ADAMTSL1: variants seen among roughly 807,000 people sequenced by gnomAD.
The protein encoded by ADAMTSL1 is ADAMTS-like protein 1.
Under a neutral mutation model 201.8 loss-of-function variants are expected in ADAMTSL1, and 126 were observed. That is an observed-to-expected ratio of 0.62 (90% CI 0.54 to 0.72). The LOEUF (loss-of-function observed/expected upper bound fraction) is 0.72, where lower values mean the gene tolerates loss of function less well. Among genes scored for constraint, ADAMTSL1 ranks in the 30% least tolerant of loss-of-function variants. The pLI, the probability that ADAMTSL1 is intolerant of heterozygous loss-of-function variation, is 0.00. For synonymous variants in ADAMTSL1, 1,121 were observed against 903.4 expected (o/e 1.24, Z -4.32); for missense variants, 2,679 against 2,277.8 (o/e 1.18, Z -3.59).
At chr9:18,825,815 C>G (rs1588174092) in intron 21 of ADAMTSL1, among the ~76,000 whole-genome samples, 1 of 151,946 alleles carries the variant, frequency 6.6e-6, no homozygotes, top group African/African-American at 2.4e-5. Flanking sequence ...ACAGTATGTA[C>G]TCTTGTGTCT....
chr9:18,033,293 A>G (rs1377466889), intron 1 of ADAMTSL1, among the ~76,000 whole-genome samples: 2 of 152,194 alleles, frequency 1.3e-5, no homozygotes, highest in Non-Finnish European at 2.9e-5. Flanking sequence ...TAATGGGTGT[A>G]TTAATTAGCT....
rs780100773 is a variant in ADAMTSL1, at chr9:18,680,571, C to T, written c.1341+55C>T. ...GGAGAGTAAGTCCACTCTTCCCTCT[C>T]ATCATCATGGCCCCACCGGGTACCC... On this transcript the variant is annotated intron_variant, in intron 11 of 28. Transcript: ENST00000380548. 45 of 1,586,288 alleles carry T rather than the reference C, an allele frequency of 2.8e-5. No individual in the cohort carries two copies. The African/African-American group carries it at 3.9e-4, about 14-fold the overall frequency.
intron 15 of ADAMTSL1, among the ~76,000 whole-genome samples, chr9:18,746,483 A>G (rs1694121055): frequency 6.6e-6 from 1 of 152,230 alleles, no homozygotes; most frequent in South Asian, 2.1e-4. Context: ...ACACAAGTTT[A>G]AAGAATACTT....
At chr9:18,854,308 G>A (rs943092068) in intron 23 of ADAMTSL1, among the ~76,000 whole-genome samples, 11 of 152,046 alleles carry the variant, frequency 7.2e-5, no homozygotes, top group Admixed American at 2.0e-4. Flanking sequence ...TAATACAACC[G>A]TAGGTTCCCT....
At chr9:18,621,073 T>G (rs1826008669) in intron 4 of ADAMTSL1, among the ~76,000 whole-genome samples, 2 of 152,202 alleles carry the variant, frequency 1.3e-5, no homozygotes, top group South Asian at 2.1e-4. Flanking sequence ...CTGTGAGGAC[T>G]TTATGAAGAG....
rs202085722 is a variant in ADAMTSL1 at position 17,983,064 on chromosome 9, C to CTTTTTTTTTTTTT, written c.87+76145_87+76146insTTTTTTTTTTTTT. Among the ~76,000 whole-genome samples, 51 of 88,564 alleles carry CTTTTTTTTTTTTT rather than the reference C, an allele frequency of 5.8e-4. 4 individuals are homozygous for CTTTTTTTTTTTTT. Among genetic ancestry groups the CTTTTTTTTTTTTT allele is most frequent in the Non-Finnish European group, 6.9e-4 (32 of 46,508 alleles). The allele number at this position is 88,564 out of a possible 152,430, so 58.1% of individuals were successfully genotyped here. Reference sequence around the variant, plus strand: ...TTTTCATTTTCTTTTTCTTTTCTTTCTTTCTTTCTTTCTTTTTTTTTTTTG... The same window carrying CTTTTTTTTTTTTT: ...TTTTCATTTTCTTTTTCTTTTCTTTCTTTTTTTTTTTTTTTTCTTTCTTTCTTTTTTTTTTTTG... On this transcript the variant is annotated intron_variant, in intron 1 of 29. Transcript: ENST00000680146.
Position 18,002,430 on chromosome 9 carries a change from A to G in ADAMTSL1, c.87+95508A>G, listed in dbSNP as rs376304894. Among the ~76,000 whole-genome samples, 134 of 152,192 alleles carry G rather than the reference A, an allele frequency of 8.8e-4. 1 individual carries two copies. The highest frequency in any genetic ancestry group is 3.0e-3 in the African/African-American group (125 of 41,558). ...GCAGAAGTTACCTTAAAGGGCTATGATAGATAGTGTAATATATGTAAAATA... is the reference window on the plus strand; with the variant it reads ...GCAGAAGTTACCTTAAAGGGCTATGGTAGATAGTGTAATATATGTAAAATA... On this transcript the variant is annotated intron_variant, in intron 1 of 29. Coordinates refer to the ADAMTSL1 transcript ENST00000680146.
intron 1 of ADAMTSL1, among the ~76,000 whole-genome samples, chr9:18,132,229 A>C (rs1055384464): frequency 6.6e-6 from 1 of 152,138 alleles, no homozygotes; most frequent in African/African-American, 2.4e-5. Flanking sequence ...TTCTTTGATC[A>C]GTTCTTTTCC....
At chr9:17,908,933 A>G (rs1825827904) in intron 1 of ADAMTSL1, among the ~76,000 whole-genome samples, 1 of 151,794 alleles carries the variant, frequency 6.6e-6, no homozygotes, top group African/African-American at 2.4e-5. Context: ...TTACAGTCCC[A>G]CCAACAGTGT....
At chr9:18,828,938 G>C (rs1824800462) in intron 22 of ADAMTSL1, among the ~76,000 whole-genome samples, 1 of 151,788 alleles carries the variant, frequency 6.6e-6, no homozygotes, top group African/African-American at 2.4e-5. Context: ...TCCATTTCAA[G>C]AGCAATACTC....
chr9:17,942,798 T>C (rs984164732), intron 1 of ADAMTSL1, among the ~76,000 whole-genome samples: 3 of 152,188 alleles, frequency 2.0e-5, no homozygotes, highest in African/African-American at 7.2e-5. Flanking sequence ...ATTAGGTACC[T>C]TGTAGTCTCA....
At chr9:17,957,720 A>C (rs1240651653) in intron 1 of ADAMTSL1, among the ~76,000 whole-genome samples, 1 of 152,188 alleles carries the variant, frequency 6.6e-6, no homozygotes, top group Non-Finnish European at 1.5e-5. Flanking sequence ...GCAGACCCTA[A>C]ATCTGATGAC....
At chr9:18,388,479 G>A (rs886779751) in intron 2 of ADAMTSL1, among the ~76,000 whole-genome samples, 1 of 152,018 alleles carries the variant, frequency 6.6e-6, no homozygotes, top group Non-Finnish European at 1.5e-5. Context: ...TCACCATGTT[G>A]CCCAGGCTGG....
intron 4 of ADAMTSL1, chr9:18,574,521 T>C: frequency 1.7e-6 from 1 of 583,494 alleles, no homozygotes; most frequent in East Asian, 2.8e-5. Flanking sequence ...AATTTTTGAA[T>C]AGTGTTTATC....
At chr9:18,439,405 C>T (rs1164647859) in intron 2 of ADAMTSL1, among the ~76,000 whole-genome samples, 1 of 152,164 alleles carries the variant, frequency 6.6e-6, no homozygotes, top group African/African-American at 2.4e-5. Flanking sequence ...CTGGCTCTGC[C>T]GCCCAGGCTG....
At chr9:18,592,679 G>C (rs577117006) in intron 4 of ADAMTSL1, among the ~76,000 whole-genome samples, 5 of 152,208 alleles carry the variant, frequency 3.3e-5, no homozygotes, top group South Asian at 2.1e-4. Context: ...TGTTCTTTTT[G>C]CTCAGGATAG....
At chr9:18,150,933 T>C (rs1013827559) in intron 1 of ADAMTSL1, among the ~76,000 whole-genome samples, 4 of 151,258 alleles carry the variant, frequency 2.6e-5, no homozygotes, top group African/African-American at 4.9e-5. Flanking sequence ...TAGGAGACAA[T>C]GACATATGCA....
intron 2 of ADAMTSL1, among the ~76,000 whole-genome samples, chr9:18,300,222 C>A (rs1833650367): frequency 6.6e-6 from 1 of 152,096 alleles, no homozygotes; most frequent in Admixed American, 6.5e-5. Context: ...AAATGTCCAT[C>A]AATGATAGAC....
chr9:17,936,913 G>C (rs1221012804), intron 1 of ADAMTSL1, among the ~76,000 whole-genome samples: 1 of 152,076 alleles, frequency 6.6e-6, no homozygotes, highest in African/African-American at 2.4e-5. Flanking sequence ...TTGGTCTGAG[G>C]GTAGCATGTT....
Sources: gnomAD v4.1 joint callset for allele counts (sites outside exome capture counted in the v4.1 genomes callset) on GRCh38, gnomAD v4.1.1 for gene constraint, MANE v1.5 for transcripts, NCBI Gene and HGNC (gene_info 2026-07-23, HGNC 2026-07-21) for gene names.